The following PCDHA4 variants were observed in gnomAD, a reference collection of about 807,000 sequenced individuals.
PCDHA4 encodes the protein protocadherin alpha 4, also known as protocadherin alpha-4.
PCDHA4 carries 49 observed loss-of-function variants against 61.4 expected under a neutral mutation model. That is an observed-to-expected ratio of 0.80 (90% CI 0.63 to 1.01). The LOEUF (loss-of-function observed/expected upper bound fraction) is 1.01. PCDHA4 is among the 50% of genes least tolerant of loss of function. The probability of loss-of-function intolerance (pLI) is 0.00; values close to 1 mark genes in which losing one functional copy is unlikely to be tolerated. For synonymous variants in PCDHA4, 590 were observed against 550.3 expected (o/e 1.07, Z -1.01); for missense variants, 1,254 against 1,235.8 (o/e 1.01, Z -0.22).
At chr5:140,965,851 A>C (rs1257954575) in intron 1 of PCDHA4, among the ~76,000 whole-genome samples, 1 of 152,252 alleles carries the variant, frequency 6.6e-6, no homozygotes, top group Non-Finnish European at 1.5e-5. Flanking sequence ...GCCAAGGCAC[A>C]CACTGAAAAT....
At chr5:140,936,212 A>C (rs1294255399) in intron 1 of PCDHA4, among the ~76,000 whole-genome samples, 1 of 152,126 alleles carries the variant, frequency 6.6e-6, no homozygotes, top group African/African-American at 2.4e-5. Context: ...TTTTTTATTT[A>C]GTATTCTTTC....
intron 1 of PCDHA4, chr5:140,871,112 A>C (rs1554165130): frequency 1.2e-6 from 2 of 1,613,172 alleles, no homozygotes; most frequent in Non-Finnish European, 1.7e-6. Context: ...TCGTTGGTGG[A>C]GAGCGGACAG....
intron 1 of PCDHA4, chr5:140,859,596 AT>A (rs1554152518): frequency 6.1e-6 from 1 of 164,060 alleles, no homozygotes; most frequent in Non-Finnish European, 1.3e-5. Flanking sequence ...GCTCTTAGCA[AT>A]TACTTTTTTC....
intron 1 of PCDHA4, chr5:140,967,750 C>G (rs782284231): frequency 6.2e-7 from 1 of 1,614,190 alleles, no homozygotes; most frequent in South Asian, 1.1e-5. Flanking sequence ...ATGAGGAAGC[C>G]TCCTCCTACC....
intron 1 of PCDHA4, chr5:140,927,565 G>A: frequency 6.2e-7 from 1 of 1,614,186 alleles, no homozygotes; most frequent in Non-Finnish European, 8.5e-7. Context: ...CATTGTGGTG[G>A]ACACAAATGA....
At chr5:140,944,694 T>C (rs2093685448) in intron 1 of PCDHA4, among the ~76,000 whole-genome samples, 1 of 152,190 alleles carries the variant, frequency 6.6e-6, no homozygotes, top group African/African-American at 2.4e-5. Context: ...TTAATAACAG[T>C]AATTATCAGG....
In PCDHA4 at chr5:140,841,904, G is replaced by C. The variant is rs2150325203; in HGVS notation, c.2385+32332G>C. On this transcript the variant is annotated intron_variant, in intron 1 of 3. Coordinates refer to ENST00000530339, the MANE Select transcript of PCDHA4 (RefSeq NM_018907.4). ...CGATGAGAATAAACTGGTTGAGCTCGTATTAAGAAAATCCTTGGACAGAGA... is the reference window on the plus strand; with the variant it reads ...CGATGAGAATAAACTGGTTGAGCTCCTATTAAGAAAATCCTTGGACAGAGA... 40 of 1,613,742 alleles carry C rather than the reference G, an allele frequency of 2.5e-5. 1 individual carries two copies. Among genetic ancestry groups the C allele is most frequent in the Non-Finnish European group, 3.2e-5 (38 of 1,179,858 alleles).
At chr5:140,843,906 T>C in intron 1 of PCDHA4, 1 of 648,462 alleles carries the variant, frequency 1.5e-6, no homozygotes, top group Non-Finnish European at 2.6e-6. Context: ...TCTCCACAAG[T>C]TGGGTCTATC....
At chr5:140,969,232 C>G in intron 1 of PCDHA4, 1 of 1,614,066 alleles carries the variant, frequency 6.2e-7, no homozygotes, top group Non-Finnish European at 8.5e-7. Flanking sequence ...CTTCGGGAGC[C>G]CAAGCAGCAG....
rs782537686 is a variant in PCDHA4, at chr5:140,967,852, C to T, written c.2386-11097C>T. 13 of 1,614,142 alleles carry T rather than the reference C, an allele frequency of 8.1e-6. No homozygotes were observed. The Middle Eastern group carries it at 1.2e-3, about 143-fold the overall frequency. On this transcript the variant is annotated intron_variant, in intron 1 of 3. Transcript: ENST00000530339. ...ACATCGTGGACGTGAATGACAATGC[C>T]CCAGAGGTGGTGCTCACGGACCTGT...
At position 140,883,407 on chromosome 5, in the gene PCDHA4, G is replaced by C. The variant is rs2059598150; in HGVS notation, c.2385+73835G>C. On this transcript the variant is annotated intron_variant, in intron 1 of 3. Coordinates refer to ENST00000530339, the MANE Select transcript of PCDHA4 (RefSeq NM_018907.4). The stretch of plus-strand genomic sequence containing the variant: ...ATCAGTGTGTCCGATCGTGACTCTG[G>C]CTCAAATGGACAGGTCACCTGCACC... The C allele has an allele frequency of 1.9e-6, 3 of 1,614,170 alleles. No homozygotes were observed. In the East Asian group the frequency reaches 6.7e-5, roughly 36 times the overall value.
chr5:140,922,257 G>A (rs2080747240), intron 1 of PCDHA4, among the ~76,000 whole-genome samples: 5 of 152,172 alleles, frequency 3.3e-5, no homozygotes, highest in Admixed American at 3.3e-4. Context: ...AAGTTACTAA[G>A]TGCCATGAAG....
At chr5:140,822,855 G>C (rs782705160) in intron 1 of PCDHA4, 1 of 1,614,216 alleles carries the variant, frequency 6.2e-7, no homozygotes, top group Non-Finnish European at 8.5e-7. Flanking sequence ...CTGTCAAAGA[G>C]GACGCTCCAC....
chr5:140,836,356 C>T (rs2150258608), intron 1 of PCDHA4: 5 of 1,613,550 alleles, frequency 3.1e-6, no homozygotes, highest in South Asian at 2.2e-5. Context: ...GGGGAGCCCT[C>T]GCTGACAGCC....
At chr5:141,003,936 C>T (rs934368361) in intron 3 of PCDHA4, among the ~76,000 whole-genome samples, 41 of 152,122 alleles carry the variant, frequency 2.7e-4, no homozygotes, top group African/African-American at 9.9e-4. Context: ...TTGTCTTTGC[C>T]TGAGGGTGAG....
At chr5:140,952,789 A>T (rs564361136) in intron 1 of PCDHA4, among the ~76,000 whole-genome samples, 1 of 152,316 alleles carries the variant, frequency 6.6e-6, no homozygotes, top group South Asian at 2.1e-4. Context: ...AAAGAGGTTT[A>T]ACTGGCTCGC....
intron 1 of PCDHA4, chr5:140,842,302 T>C: frequency 6.2e-7 from 1 of 1,609,920 alleles, no homozygotes; most frequent in Middle Eastern, 1.7e-4. Context: ...ACAAAGGCCA[T>C]CCTCCCATGG....
intron 1 of PCDHA4, among the ~76,000 whole-genome samples, chr5:140,919,626 T>C (rs1554199177): frequency 6.6e-6 from 1 of 152,244 alleles, no homozygotes. Flanking sequence ...TTTTGAGTTA[T>C]TTTCACAGTA....
At chr5:140,827,932 A>G (rs148093365) in intron 1 of PCDHA4, 1 of 1,026,324 alleles carries the variant, frequency 9.7e-7, no homozygotes, top group African/African-American at 1.6e-5. Flanking sequence ...CCATGAAGTT[A>G]TAGCTAGCCA....
Sources: allele counts gnomAD v4.1 joint callset (sites outside exome capture counted in the v4.1 genomes callset), GRCh38; gene constraint gnomAD v4.1.1; transcripts MANE v1.5; gene names NCBI Gene and HGNC (gene_info 2026-07-23, HGNC 2026-07-21).